The following SP100 variants were observed in gnomAD, a reference collection of about 807,000 sequenced individuals.
SP100 encodes nuclear autoantigen Sp-100.
In SP100, 84 loss-of-function variants were observed where a neutral mutation model predicts 130.0. The observed-to-expected ratio is 0.65, with a 90% CI of 0.54 to 0.77. SP100 has a LOEUF of 0.77. SP100 is among the 30% of genes least tolerant of loss of function. The pLI, the probability that SP100 is intolerant of heterozygous loss-of-function variation, is 0.00. For synonymous variants in SP100, 331 were observed against 351.7 expected (o/e 0.94, Z 0.66); for missense variants, 978 against 1,052.2 (o/e 0.93, Z 0.97).
intron 15 of SP100, among the ~76,000 whole-genome samples, chr2:230,471,871 G>A (rs1023787044): frequency 6.6e-6 from 1 of 152,136 alleles, no homozygotes; most frequent in African/African-American, 2.4e-5. Context: ...CCAGGTAGGG[G>A]AATTTTGTGG....
Position 230,417,574 on chromosome 2 carries a change from C to T in SP100, c.33-17C>T. On this transcript the variant is annotated splice_polypyrimidine_tract_variant and intron_variant, in intron 1 of 28. Coordinates refer to ENST00000340126, the MANE Select transcript of SP100 (RefSeq NM_001080391.2). ...GGGTCCAGTTATTTACTTGGTCCTG[C>T]CAAATTGTCTTTCTAGGAGGCTGAA... 2 of 1,608,594 alleles carry T rather than the reference C, an allele frequency of 1.2e-6. No homozygotes were observed. Among genetic ancestry groups the T allele is most frequent in the Non-Finnish European group, 1.7e-6 (2 of 1,178,138 alleles).
At chr2:230,536,191 A>G (rs1691932147) in intron 24 of SP100, among the ~76,000 whole-genome samples, 1 of 152,186 alleles carries the variant, frequency 6.6e-6, no homozygotes, top group Admixed American at 6.5e-5. Context: ...AGTGTGTTTC[A>G]GAAGAAACCT....
At position 230,504,270 on chromosome 2, in the gene SP100, A is replaced by G; in HGVS notation, c.1850A>G (p.Tyr617Cys). The change falls in exon 21 of 29, where the codon TAT becomes TGT. Residue 617 changes from tyrosine to cysteine, a missense_variant. By Grantham distance (194) the Tyr-to-Cys change is radical. Transcript: ENST00000340126. ...VTCGEVKGTL[Y>C]KERFKQGTSK... ...TGTGGTGAGGTGAAGGGCACTCTAT[A>G]TAAGGAGCGATTCAAACAAGGTGAG... 6.2e-7 allele frequency: 1 copy of G among 1,602,314 alleles called. No individual in the cohort carries two copies. Among genetic ancestry groups the G allele is most frequent in the South Asian group, 1.1e-5 (1 of 90,300 alleles).
chr2:230,532,549 G>A (rs79406983), intron 24 of SP100, among the ~76,000 whole-genome samples: 1 of 142,938 alleles, frequency 7.0e-6, no homozygotes, highest in South Asian at 2.2e-4. Flanking sequence ...AAAAAAAAAA[G>A]ATGTGAGACT....
At chr2:230,529,541 C>A (rs1015844597) in intron 24 of SP100, among the ~76,000 whole-genome samples, 21 of 152,182 alleles carry the variant, frequency 1.4e-4, no homozygotes, top group Non-Finnish European at 1.5e-5. Flanking sequence ...CCCTCTCTCA[C>A]GACTCTTATT....
intron 22 of SP100, chr2:230,506,762 C>T (rs538437112): frequency 3.1e-5 from 7 of 223,820 alleles, no homozygotes; most frequent in Admixed American, 1.1e-4. Flanking sequence ...CTTAAATTTT[C>T]GGGGGAGGTA....
intron 2 of SP100, among the ~76,000 whole-genome samples, chr2:230,430,405 C>T (rs1200801921): frequency 6.6e-6 from 1 of 152,206 alleles, no homozygotes; most frequent in Non-Finnish European, 1.5e-5. Context: ...GACTGTGTTC[C>T]ACAGTTGGGT....
chr2:230,515,743 G>C, intron 24 of SP100: 2 of 1,512,784 alleles, frequency 1.3e-6, no homozygotes, highest in Non-Finnish European at 1.7e-6. Context: ...GACTGTGTAA[G>C]ATTTGTTTTT....
At chr2:230,542,374 C>A (rs1692212257) in intron 28 of SP100, among the ~76,000 whole-genome samples, 1 of 152,130 alleles carries the variant, frequency 6.6e-6, no homozygotes, top group Admixed American at 6.6e-5. Flanking sequence ...AAGTGTTTCT[C>A]TTCTCTAGAG....
At position 230,446,881 on chromosome 2, in the gene SP100, C is replaced by T; in HGVS notation, c.502C>T (p.Leu168Phe). The change falls in exon 5 of 29, where the codon CTC becomes TTC. Residue 168 changes from leucine (L) to phenylalanine (F), a missense_variant. Leu to Phe is a conservative substitution (Grantham distance 22, BLOSUM62 0). Coordinates refer to ENST00000340126, the MANE Select transcript of SP100 (RefSeq NM_001080391.2). ...EEEEREERSG[L>F]QLSLEQGTGE... ...AGAAGAGAGGGAGGAGAGGTCTGGC[C>T]TCCAACTAAGTCTTGAACAAGGTAA... is the stretch of plus-strand genomic sequence containing the variant. 1 of 1,610,214 alleles carries T rather than the reference C, an allele frequency of 6.2e-7. No individual in the cohort carries two copies. The highest frequency in any genetic ancestry group is 8.5e-7 in the Non-Finnish European group (1 of 1,176,912).
At chr2:230,447,201 A>G (rs568853987) in intron 5 of SP100, among the ~76,000 whole-genome samples, 60 of 152,296 alleles carry the variant, frequency 3.9e-4, no homozygotes, top group African/African-American at 1.4e-3. Context: ...GTGAAGTTGC[A>G]AAGGGTTAAG....
intron 24 of SP100, among the ~76,000 whole-genome samples, chr2:230,524,607 A>T (rs1691340404): frequency 6.6e-6 from 1 of 152,204 alleles, no homozygotes; most frequent in Non-Finnish European, 1.5e-5. Context: ...CTTATAAACT[A>T]CTAAAAATAA....
chr2:230,473,288 G>A (rs2065365913), intron 15 of SP100, 36 bp from the exon 16 acceptor site: 11 of 1,435,780 alleles, frequency 7.7e-6, no homozygotes, highest in East Asian at 2.3e-5. Flanking sequence ...GAAGGGGAGT[G>A]GGCACAAATA....
At chr2:230,435,284 A>G (rs1360303192) in intron 2 of SP100, among the ~76,000 whole-genome samples, 1 of 151,994 alleles carries the variant, frequency 6.6e-6, no homozygotes, top group Non-Finnish European at 1.5e-5. Context: ...ATTTTCTCTT[A>G]TTTAAGCTGC....
chr2:230,465,865 AGGAGAG>A, intron 11 of SP100, among the ~76,000 whole-genome samples: 1 of 152,122 alleles, frequency 6.6e-6, no homozygotes, highest in Admixed American at 6.5e-5. Flanking sequence ...ATTCACTAGA[AGGAGAG>A]AGAGAAAAAC....
chr2:230,425,212 A>C (rs889319965), intron 2 of SP100, among the ~76,000 whole-genome samples: 1 of 152,212 alleles, frequency 6.6e-6, no homozygotes, highest in African/African-American at 2.4e-5. Context: ...ATTATTGTTA[A>C]CTATAGTTTC....
chr2:230,517,488 G>T (rs1270052847), intron 24 of SP100, among the ~76,000 whole-genome samples: 8 of 152,150 alleles, frequency 5.3e-5, no homozygotes, highest in Non-Finnish European at 7.4e-5. Context: ...TGGGCCAGGC[G>T]CCATAGCTAA....
At chr2:230,505,341 C>A (rs933547587) in intron 21 of SP100, among the ~76,000 whole-genome samples, 6 of 152,210 alleles carry the variant, frequency 3.9e-5, no homozygotes, top group Admixed American at 3.3e-4. Context: ...ATGTACACAT[C>A]TGAGAATCTC....
intron 8 of SP100, among the ~76,000 whole-genome samples, chr2:230,453,143 C>T (rs999483027): frequency 6.6e-6 from 1 of 152,146 alleles, no homozygotes; most frequent in Admixed American, 6.5e-5. Flanking sequence ...GAAGCAAACA[C>T]GTCCTTCTTT....
Sources: gnomAD v4.1 joint callset for allele counts (sites outside exome capture counted in the v4.1 genomes callset) on GRCh38, gnomAD v4.1.1 for gene constraint, MANE v1.5 for transcripts, NCBI Gene and HGNC (gene_info 2026-07-23, HGNC 2026-07-21) for gene names.